Variants in SBNO1 observed in about 807,000 individuals in gnomAD.
The protein encoded by SBNO1 is strawberry notch homolog 1, also known as protein strawberry notch homolog 1.
SBNO1 carries 23 observed loss-of-function variants against 173.6 expected under a neutral mutation model. The ratio of observed to expected loss-of-function variants is 0.13; its 90% confidence interval spans 0.10 to 0.19. SBNO1 has a LOEUF of 0.19. SBNO1 is among the 10% of genes least tolerant of loss of function. The probability of loss-of-function intolerance (pLI) is 1.00; values close to 1 mark genes in which losing one functional copy is unlikely to be tolerated. For synonymous variants in SBNO1, 632 were observed against 571.5 expected (o/e 1.11, Z -1.51); for missense variants, 1,238 against 1,671.2 (o/e 0.74, Z 4.52).
intron 13 of SBNO1, 73 bp downstream of exon 13, chr12:123,327,353 G>C: frequency 7.8e-7 from 1 of 1,281,468 alleles, no homozygotes; most frequent in South Asian, 1.3e-5. Flanking sequence ...AGGAGGCATC[G>C]CAATCGCCAA....
At chr12:123,319,743 A>G (rs1320527464) in intron 20 of SBNO1, among the ~76,000 whole-genome samples, 157 bp downstream of exon 20, 2 of 151,846 alleles carry the variant, frequency 1.3e-5, no homozygotes, top group Non-Finnish European at 2.9e-5. Flanking sequence ...AATAATAAAA[A>G]CACGTACAAT....
chr12:123,319,961 A>G lies in SBNO1; in HGVS notation c.2738T>C (p.Leu913Pro), dbSNP rs924780430. The G allele has an allele frequency of 3.1e-6, 5 of 1,613,886 alleles. No individual in the cohort carries two copies. The highest frequency in any genetic ancestry group is 1.7e-5 in the Admixed American group (1 of 59,978). The change falls in exon 20 of 32, where the codon CTT (leucine) becomes CCT (proline). Residue 913 changes from leucine to proline, a missense_variant. By Grantham distance (98) the Leu-to-Pro change is moderately conservative. Transcript: ENST00000602398. ...GSISYESRSE[L>P]DVPVEILNIT... ...GTTTAGTATTTCCACAGGCACATCA[A>G]GTTCAGATCTTGACTCATAAGATAT...
At chr12:123,332,678 T>G (rs562552458) in intron 7 of SBNO1, among the ~76,000 whole-genome samples, 1 of 152,222 alleles carries the variant, frequency 6.6e-6, no homozygotes, top group African/African-American at 2.4e-5. Context: ...GTGATTCTCC[T>G]GACTTAGCTT....
chr12:123,303,044 C>A (rs1455737476), intron 29 of SBNO1, 144 bp from the exon 30 acceptor site: 1 of 624,734 alleles, frequency 1.6e-6, no homozygotes, highest in Admixed American at 3.0e-5. Context: ...TGAATCTGAA[C>A]GCCATTTGAA....
intron 1 of SBNO1, among the ~76,000 whole-genome samples, chr12:123,354,813 C>T (rs1874251494): frequency 6.6e-6 from 1 of 152,136 alleles, no homozygotes; most frequent in African/African-American, 2.4e-5. Flanking sequence ...TACCATGGAG[C>T]AGTCTGACAA....
intron 4 of SBNO1, 114 bp from the exon 5 acceptor site, chr12:123,341,202 C>A (rs1296524480): frequency 3.3e-6 from 2 of 601,404 alleles, no homozygotes; most frequent in Non-Finnish European, 5.6e-6. Flanking sequence ...GTAATCCCAG[C>A]ATTTTTGGGA....
chr12:123,302,386 G>T (rs192777535), intron 30 of SBNO1, among the ~76,000 whole-genome samples: 21 of 152,094 alleles, frequency 1.4e-4, no homozygotes, highest in African/African-American at 5.1e-4. Context: ...GGGATTACAG[G>T]TGCCTGCCAT....
intron 3 of SBNO1, among the ~76,000 whole-genome samples, chr12:123,345,932 G>A (rs1873078140): frequency 6.6e-6 from 1 of 152,096 alleles, no homozygotes; most frequent in Non-Finnish European, 1.5e-5. Flanking sequence ...CAAAGTGCTG[G>A]GACTACAGGC....
intron 7 of SBNO1, among the ~76,000 whole-genome samples, chr12:123,332,920 C>T (rs1871381880): frequency 1.3e-5 from 2 of 151,896 alleles, no homozygotes; most frequent in Admixed American, 6.6e-5. Flanking sequence ...GTCAGGAGAT[C>T]GAGACCATCC....
At chr12:123,336,596 G>T in intron 5 of SBNO1, 105 bp from the exon 6 acceptor site, 1 of 682,888 alleles carries the variant, frequency 1.5e-6, no homozygotes, top group Admixed American at 3.1e-5. Context: ...TTCCATCATG[G>T]AAACATGACG....
chr12:123,348,302 A>AC (rs1873456372), intron 2 of SBNO1, among the ~76,000 whole-genome samples, 169 bp from the exon 3 acceptor site: 1 of 152,250 alleles, frequency 6.6e-6, no homozygotes, highest in Non-Finnish European at 1.5e-5. Context: ...AGATCTCCAC[A>AC]AAACGGTACT....
chr12:123,358,907 C>T (rs75873799), intron 1 of SBNO1, among the ~76,000 whole-genome samples: 13,341 of 151,950 alleles, frequency 0.088, 1,646 homozygotes, highest in African/African-American at 0.28. Flanking sequence ...AACACATTAG[C>T]AGGGTGTCAA....
intron 7 of SBNO1, among the ~76,000 whole-genome samples, chr12:123,332,732 A>T (rs1871360842): frequency 6.6e-6 from 1 of 151,350 alleles, no homozygotes. Flanking sequence ...ATGCCTGGCT[A>T]ATTTTTGTAT....
At chr12:123,327,683 A>G in intron 12 of SBNO1, 24 bp downstream of exon 12, 1 of 1,588,248 alleles carries the variant, frequency 6.3e-7, no homozygotes, top group Non-Finnish European at 8.6e-7. Flanking sequence ...TACTGAGAAG[A>G]GTATATACCG....
Position 123,334,185 on chromosome 12 carries a change from A to G in SBNO1, c.777T>C (p.Ala259=). The G allele has an allele frequency of 6.3e-7, 1 of 1,591,748 alleles. No homozygotes were observed. Among genetic ancestry groups the G allele is most frequent in the Non-Finnish European group, 8.5e-7 (1 of 1,172,240 alleles). The change falls in exon 7 of 32, where the codon GCT becomes GCC. Residue 259 remains alanine, a synonymous_variant. Coordinates refer to ENST00000602398, the MANE Select transcript of SBNO1 (RefSeq NM_001167856.3). ...TGGATAAAGAGCTGGTTTCCACTAC[A>G]GCATCTGGATGACGTAGGCCAATTT... ...KLKIGLRHPD[A]VVETSSLSSV...
intron 25 of SBNO1, 62 bp downstream of exon 25, chr12:123,310,993 A>G: frequency 8.1e-7 from 1 of 1,227,616 alleles, no homozygotes; most frequent in East Asian, 2.3e-5. Flanking sequence ...AAAAGCATAT[A>G]TCATAATGGA....
chr12:123,328,926 T>G (rs779463203), intron 9 of SBNO1, 31 bp from the exon 10 acceptor site: 4 of 1,301,756 alleles, frequency 3.1e-6, no homozygotes, highest in Non-Finnish European at 4.3e-6. Context: ...ATTTAGTTAA[T>G]TAGTATACCT....
chr12:123,341,126 T>C, intron 4 of SBNO1, 38 bp from the exon 5 acceptor site: 2 of 1,213,332 alleles, frequency 1.6e-6, no homozygotes, highest in African/African-American at 1.6e-5. Context: ...TAGAAGAAAA[T>C]TCTGAACTTA....
At position 123,329,990 on chromosome 12, in the gene SBNO1, A is replaced by T. The variant is rs529504913; in HGVS notation, c.1134+429T>A. Reference sequence around the variant, plus strand: ...GTAACTCAAGTCCATTAGCTGTACAAATACTGAAACCAGTCTGCCCAAGCC... The same window carrying T: ...GTAACTCAAGTCCATTAGCTGTACATATACTGAAACCAGTCTGCCCAAGCC... On this transcript the variant is annotated intron_variant, in intron 9 of 31. Coordinates refer to ENST00000602398, the MANE Select transcript of SBNO1 (RefSeq NM_001167856.3). Among the ~76,000 whole-genome samples, 390 of 152,334 alleles carry T rather than the reference A, an allele frequency of 2.6e-3. 2 individuals carry two copies. Among genetic ancestry groups the T allele is most frequent in the Non-Finnish European group, 4.8e-3 (324 of 68,028 alleles).
Sources: allele counts gnomAD v4.1 joint callset (sites outside exome capture counted in the v4.1 genomes callset), GRCh38; gene constraint gnomAD v4.1.1; transcripts MANE v1.5; gene names NCBI Gene and HGNC (gene_info 2026-07-23, HGNC 2026-07-21).